The following CACNA1F variants were observed in gnomAD, a reference collection of about 807,000 sequenced individuals.
CACNA1F encodes voltage-dependent L-type calcium channel subunit alpha-1F.
CACNA1F carries 59 observed loss-of-function variants against 143.8 expected under a neutral mutation model. That is an observed-to-expected ratio of 0.41 (90% CI 0.33 to 0.51). The LOEUF is 0.51. Ranked by LOEUF, CACNA1F falls within the 20% of genes least tolerant of loss-of-function variation. The pLI, the probability that CACNA1F is intolerant of heterozygous loss-of-function variation, is 0.22. For missense variants in CACNA1F, 1,411 were observed against 1,647.5 expected (o/e 0.86, Z 2.48); for synonymous variants, 643 against 649.1 (o/e 0.99, Z 0.14).
At chrX:49,220,146 T>C (rs1208658129) in intron 19 of CACNA1F, among the ~76,000 whole-genome samples, 2 of 112,303 alleles carry the variant, frequency 1.8e-5, no homozygotes, top group Non-Finnish European at 3.8e-5. Flanking sequence ...GGTGCCATCA[T>C]GGCTCACTGC....
intron 39 of CACNA1F, 62 bp from the exon 40 acceptor site, chrX:49,210,104 A>ACCCAACAGTGAGGGGG: frequency 1.2e-6 from 1 of 848,160 alleles, no homozygotes; most frequent in Non-Finnish European, 1.8e-6. Context: ...CTGCCCCCTC[A>ACCCAACAGTGAGGGGG]CTGTTGGGTG....
chrX:49,208,336 C>T (rs1557105385), intron 43 of CACNA1F, among the ~76,000 whole-genome samples, 179 bp downstream of exon 43: 1 of 111,397 alleles, frequency 9.0e-6, no homozygotes, highest in Admixed American at 9.5e-5. Flanking sequence ...ATATGAATCT[C>T]TTATCACCCT....
At position 49,222,615 on chromosome X, in the gene CACNA1F, T is replaced by A; in HGVS notation, c.2207-12A>T. On this transcript the variant is annotated splice_polypyrimidine_tract_variant and intron_variant, in intron 16 of 47. Transcript: ENST00000323022. ...GTTCAACAGGATGTCTGGGATGAGC[T>A]TAGGCTGCAAAGGATGGAGAAGCAC... The A allele has an allele frequency of 8.3e-7, 1 of 1,209,044 alleles. No homozygotes were observed. The highest frequency in any genetic ancestry group is 1.1e-6 in the Non-Finnish European group (1 of 893,420).
intron 27 of CACNA1F, 143 bp from the exon 28 acceptor site, chrX:49,215,686 A>G: frequency 2.2e-6 from 1 of 448,432 alleles, no homozygotes; most frequent in Non-Finnish European, 3.9e-6. Context: ...TCCTGACCTA[A>G]CCACCTGGGA....
rs183545947 is a variant in CACNA1F at position 49,222,697 on chromosome X, C to T, written c.2206+21G>A. ...CACCCCGACTCCACCATCATCCAGC[C>T]CCACAAAGCTCCAAGGATACAGTTG... On this transcript the variant is annotated intron_variant, in intron 16 of 47. Transcript: ENST00000323022. The T allele has an allele frequency of 2.1e-5, 25 of 1,209,528 alleles. No individual in the cohort carries two copies. In the East Asian group the frequency reaches 5.9e-4, roughly 29 times the overall value.
intron 29 of CACNA1F, among the ~76,000 whole-genome samples, chrX:49,214,614 C>T (rs1391615617): frequency 1.8e-5 from 2 of 112,052 alleles, no homozygotes; most frequent in African/African-American, 6.5e-5. Context: ...GTTTTGATGC[C>T]TGGAGCTGTG....
At chrX:49,226,099 T>C in intron 12 of CACNA1F, 30 bp from the exon 13 acceptor site, 1 of 1,190,519 alleles carries the variant, frequency 8.4e-7, no homozygotes, top group South Asian at 1.8e-5. Flanking sequence ...CAGGCTGAGA[T>C]CACCTACCTA....
chrX:49,232,637 G>A (rs2065888541), intron 1 of CACNA1F, among the ~76,000 whole-genome samples: 1 of 111,709 alleles, frequency 9.0e-6, no homozygotes, highest in Non-Finnish European at 1.9e-5. Context: ...AATGAGTTCA[G>A]AATCAAAAGA....
In CACNA1F at chrX:49,228,462, G is replaced by A; in HGVS notation, c.818-15C>T. Reference sequence around the variant, plus strand: ...CGCTTCCATGTCTGCAGGAAGACTGGAGCTTGGGGCTTCGAAGCAGGCCCA... The same window carrying A: ...CGCTTCCATGTCTGCAGGAAGACTGAAGCTTGGGGCTTCGAAGCAGGCCCA... On this transcript the variant is annotated splice_polypyrimidine_tract_variant and intron_variant, in intron 6 of 47. Transcript: ENST00000323022. The A allele has an allele frequency of 8.5e-7, 1 of 1,181,902 alleles. No homozygotes were observed. The highest frequency in any genetic ancestry group is 1.1e-6 in the Non-Finnish European group (1 of 876,028).
At chrX:49,232,827 T>G (rs955433405) in intron 1 of CACNA1F, among the ~76,000 whole-genome samples, 22 of 110,775 alleles carry the variant, frequency 2.0e-4, no homozygotes, top group African/African-American at 6.3e-4. Flanking sequence ...TTTTGTTTTT[T>G]TTTTTAAAGG....
At chrX:49,219,857 T>C (rs1602641842) in intron 19 of CACNA1F, 67 bp from the exon 20 acceptor site, 1 of 651,102 alleles carries the variant, frequency 1.5e-6, no homozygotes, top group Non-Finnish European at 2.4e-6. Flanking sequence ...AGAACAGTGT[T>C]TGCCACGTGG....
chrX:49,226,145 G>A (rs1415558300), intron 12 of CACNA1F, 72 bp downstream of exon 12: 2 of 1,117,321 alleles, frequency 1.8e-6, no homozygotes, highest in Non-Finnish European at 2.5e-6. Flanking sequence ...GGGATCCAAA[G>A]GTCATGAGGG....
At position 49,223,110 on chromosome X, in the gene CACNA1F, A is replaced by C. The variant is rs1297908497; in HGVS notation, c.1904T>G (p.Val635Gly). The C allele has an allele frequency of 1.6e-5, 19 of 1,198,306 alleles. No homozygotes were observed. The highest frequency in any genetic ancestry group is 2.1e-5 in the Non-Finnish European group (19 of 888,238). Residue 635 changes from valine to glycine, a missense_variant, in exon 15 of 48, where the codon GTG (valine) becomes GGG (glycine). Physicochemically the swap from Val to Gly is moderately radical, Grantham distance 109. This residue lies in a region of CACNA1F where 950 missense variants were observed against 1,128.1 expected (regional missense o/e 0.84). Coordinates refer to ENST00000323022, the MANE Select transcript of CACNA1F (RefSeq NM_001256789.3). Reference protein sequence around the residue: ...TRHWASLSNLVASLLNSMKSI... With the variant: ...TRHWASLSNLGASLLNSMKSI... Reference sequence around the variant, plus strand: ...TTTCATTGAATTGAGCAGGGATGCCACCAGATTGCTCAGAGAAGCCCAGTG... The same window carrying C: ...TTTCATTGAATTGAGCAGGGATGCCCCCAGATTGCTCAGAGAAGCCCAGTG...
In CACNA1F at chrX:49,218,754, G is replaced by A. The variant is rs1557108100; in HGVS notation, c.2734-19C>T. 3 of 834,188 alleles carry A rather than the reference G, an allele frequency of 3.6e-6. No individual in the cohort carries two copies. Among genetic ancestry groups the A allele is most frequent in the Non-Finnish European group, 4.9e-6 (3 of 613,095 alleles). The allele number at this position is 834,188 out of a possible 1,213,427, so 68.7% of individuals were successfully genotyped here. A position where few individuals can be genotyped will look rare whatever the true frequency, so the allele number is the denominator to read the frequency against. On this transcript the variant is annotated intron_variant, in intron 22 of 47. Transcript: ENST00000323022. ...CTGTCATCTGGGGACAGGACAAGAGGCTAGACTCAGACCTGGGGATGGTGG... is the reference window on the plus strand; with the variant it reads ...CTGTCATCTGGGGACAGGACAAGAGACTAGACTCAGACCTGGGGATGGTGG...
rs1033384572 is a variant in CACNA1F, at chrX:49,210,970, C to T, written c.4383G>A (p.Gly1461=). 3 of 1,203,880 alleles carry T rather than the reference C, an allele frequency of 2.5e-6. No individual in the cohort carries two copies. The highest frequency in any genetic ancestry group is 2.2e-5 in the Admixed American group (1 of 45,231). The change falls in exon 37 of 48, where the codon GGG becomes GGA. Residue 1461 remains glycine (G), a synonymous_variant. Transcript: ENST00000323022. ...FKRIWSEYDP[G]AKGRIKHLDV... The stretch of plus-strand genomic sequence containing the variant: ...TAAGGGTATAGAGGGCATACTTGGC[C>T]CCAGGGTCATATTCAGACCAGATCC...
intron 6 of CACNA1F, 43 bp downstream of exon 6, chrX:49,230,176 GA>G: frequency 8.8e-7 from 1 of 1,139,991 alleles, no homozygotes; most frequent in Non-Finnish European, 1.2e-6. Flanking sequence ...TCTAGGAACC[GA>G]AGGAGGGGGC....
At chrX:49,212,527 G>GA (rs1265338877) in intron 33 of CACNA1F, 140 bp downstream of exon 33, 1 of 723,408 alleles carries the variant, frequency 1.4e-6, no homozygotes, top group Non-Finnish European at 2.1e-6. Context: ...TGAGAGCCCA[G>GA]AAAAAAGAGA....
intron 3 of CACNA1F, 50 bp downstream of exon 3, chrX:49,231,152 T>C (rs1557111273): frequency 1.1e-6 from 1 of 922,557 alleles, no homozygotes; most frequent in East Asian, 3.4e-5. Context: ...GAGTGAGCTC[T>C]ACTGGGGCTC....
At chrX:49,224,711 T>A (rs1472392839) in intron 14 of CACNA1F, 50 bp downstream of exon 14, 2 of 757,929 alleles carry the variant, frequency 2.6e-6, no homozygotes, top group African/African-American at 4.3e-5. Context: ...TGGGTGGGGG[T>A]GTTGAGGCTG....
Sources: allele counts gnomAD v4.1 joint callset (sites outside exome capture counted in the v4.1 genomes callset), GRCh38; gene constraint gnomAD v4.1.1; regional missense constraint gnomAD v4.1.1; transcripts MANE v1.5; gene names NCBI Gene and HGNC (gene_info 2026-07-23, HGNC 2026-07-21).